RGS7BP: variants seen among roughly 807,000 people sequenced by gnomAD.
RGS7BP encodes regulator of G protein signaling 7 binding protein, also known as regulator of G protein signaling 7-binding protein.
Under a neutral mutation model 31.3 loss-of-function variants are expected in RGS7BP, and 9 were observed. The observed-to-expected ratio is 0.29, with a 90% CI of 0.17 to 0.50. The LOEUF is 0.50. Among genes scored for constraint, RGS7BP ranks in the 20% least tolerant of loss-of-function variants. The probability of loss-of-function intolerance (pLI) is 0.98; values close to 1 mark genes in which losing one functional copy is unlikely to be tolerated. For missense variants in RGS7BP, 274 were observed against 322.0 expected (o/e 0.85, Z 1.14); for synonymous variants, 115 against 120.1 (o/e 0.96, Z 0.28).
chr5:64,575,628 T>C, intron 2 of RGS7BP, 146 bp from the exon 3 acceptor site: 1 of 1,344,124 alleles, frequency 7.4e-7, no homozygotes, highest in Non-Finnish European at 9.6e-7. Context: ...CATTGGTCAT[T>C]GGTTTGAAAG....
chr5:64,527,888 T>C (rs1474632451), intron 2 of RGS7BP, among the ~76,000 whole-genome samples: 1 of 152,228 alleles, frequency 6.6e-6, no homozygotes, highest in Non-Finnish European at 1.5e-5. Context: ...TTTGTTCTTT[T>C]TACATGTCTG....
intron 2 of RGS7BP, among the ~76,000 whole-genome samples, chr5:64,519,405 C>A (rs1749054167): frequency 6.6e-6 from 1 of 152,174 alleles, no homozygotes; most frequent in Non-Finnish European, 1.5e-5. Flanking sequence ...AGACATTAAA[C>A]AAATCATTGC....
chr5:64,555,520 T>C (rs1231946730), intron 2 of RGS7BP, among the ~76,000 whole-genome samples: 2 of 152,144 alleles, frequency 1.3e-5, no homozygotes, highest in African/African-American at 4.8e-5. Flanking sequence ...TGGGGGAAAC[T>C]GCACTGAAAT....
At chr5:64,525,077 G>A (rs888466425) in intron 2 of RGS7BP, among the ~76,000 whole-genome samples, 8 of 152,010 alleles carry the variant, frequency 5.3e-5, no homozygotes, top group Non-Finnish European at 1.0e-4. Context: ...CTAGGGTCCA[G>A]GTGGTAAACA....
intron 2 of RGS7BP, among the ~76,000 whole-genome samples, chr5:64,527,133 A>G (rs192839034): frequency 1.4e-4 from 21 of 152,338 alleles, no homozygotes; most frequent in Non-Finnish European, 2.5e-4. Flanking sequence ...GGATGTTTTG[A>G]GAGACTGTAT....
rs1743494340 is a variant in RGS7BP, at chr5:64,611,239, T to C, written c.*1987T>C. On this transcript the variant is annotated 3_prime_UTR_variant, in exon 6 of 6. Coordinates refer to ENST00000334025, the MANE Select transcript of RGS7BP (RefSeq NM_001029875.3). Reference sequence around the variant, plus strand: ...TTTAAGATCCATTGTTTTTGAAATTTTGAAGTAGCCCAGTTTGGCAGCTCT... The same window carrying C: ...TTTAAGATCCATTGTTTTTGAAATTCTGAAGTAGCCCAGTTTGGCAGCTCT... 6.6e-6 allele frequency: 1 copy of C among 152,006 alleles called. No individual in the cohort carries two copies. Among genetic ancestry groups the C allele is most frequent in the Non-Finnish European group, 1.5e-5 (1 of 67,882 alleles). 9.4% of individuals were successfully genotyped at this position (152,006 alleles called of 1,614,324 possible). A position where few individuals can be genotyped will look rare whatever the true frequency, so the allele number is the denominator to read the frequency against.
chr5:64,540,233 A>C (rs1741493405), intron 2 of RGS7BP, among the ~76,000 whole-genome samples: 1 of 152,184 alleles, frequency 6.6e-6, no homozygotes, highest in Admixed American at 6.5e-5. Context: ...GCAAAGAATA[A>C]AATTAAAATT....
chr5:64,536,183 G>A (rs764419304), intron 2 of RGS7BP, among the ~76,000 whole-genome samples: 1 of 152,256 alleles, frequency 6.6e-6, no homozygotes, highest in African/African-American at 2.4e-5. Flanking sequence ...TGATATTGGG[G>A]CAGGGCTGAG....
chr5:64,537,492 C>A (rs1229737729), intron 2 of RGS7BP, among the ~76,000 whole-genome samples: 1 of 152,106 alleles, frequency 6.6e-6, no homozygotes, highest in African/African-American at 2.4e-5. Flanking sequence ...CACCCAATTA[C>A]CTGTCTTGGT....
At chr5:64,602,049 T>A (rs1743231810) in intron 5 of RGS7BP, among the ~76,000 whole-genome samples, 1 of 152,156 alleles carries the variant, frequency 6.6e-6, no homozygotes. Flanking sequence ...ATGAGTCCCC[T>A]CCTGTGAACA....
intron 2 of RGS7BP, among the ~76,000 whole-genome samples, chr5:64,525,134 C>G (rs1364900098): frequency 1.3e-5 from 2 of 152,028 alleles, no homozygotes; most frequent in Non-Finnish European, 2.9e-5. Context: ...AGGTCTGTTT[C>G]CCAGCCATTT....
At chr5:64,593,103 G>A (rs1049486239) in intron 3 of RGS7BP, among the ~76,000 whole-genome samples, 1 of 152,134 alleles carries the variant, frequency 6.6e-6, no homozygotes, top group Non-Finnish European at 1.5e-5. Context: ...CCATCACCCA[G>A]GATCAATGCA....
intron 3 of RGS7BP, among the ~76,000 whole-genome samples, chr5:64,587,693 A>C (rs897895978): frequency 9.2e-5 from 14 of 152,176 alleles, no homozygotes; most frequent in African/African-American, 3.1e-4. Context: ...GAAAGTGAGC[A>C]CATGACTACA....
chr5:64,524,992 A>G (rs1201748047), intron 2 of RGS7BP, among the ~76,000 whole-genome samples: 2 of 152,034 alleles, frequency 1.3e-5, no homozygotes, highest in Non-Finnish European at 2.9e-5. Flanking sequence ...GGGCTTGAGA[A>G]AGTGCCACTC....
intron 3 of RGS7BP, among the ~76,000 whole-genome samples, chr5:64,579,543 C>CAAA (rs34003776): frequency 2.6e-4 from 14 of 53,304 alleles, no homozygotes; most frequent in East Asian, 1.3e-3. Flanking sequence ...GACTCCATCT[C>CAAA]AAAAAAAAAA....
chr5:64,530,975 A>G (rs1749356943), intron 2 of RGS7BP, among the ~76,000 whole-genome samples: 1 of 152,198 alleles, frequency 6.6e-6, no homozygotes. Context: ...AGCCAACACC[A>G]CTGATGGATG....
chr5:64,524,856 TG>T (rs2111907988), intron 2 of RGS7BP, among the ~76,000 whole-genome samples: 1 of 152,090 alleles, frequency 6.6e-6, no homozygotes, highest in Non-Finnish European at 1.5e-5. Flanking sequence ...GCCATCATTC[TG>T]AAAAATCCAG....
intron 3 of RGS7BP, among the ~76,000 whole-genome samples, chr5:64,578,568 T>C (rs1437642561): frequency 6.6e-6 from 1 of 152,152 alleles, no homozygotes; most frequent in Non-Finnish European, 1.5e-5. Flanking sequence ...CAAAAAAATG[T>C]AAATCACACC....
chr5:64,564,457 G>C (rs1742123542), intron 2 of RGS7BP, among the ~76,000 whole-genome samples: 1 of 152,070 alleles, frequency 6.6e-6, no homozygotes, highest in Admixed American at 6.6e-5. Flanking sequence ...TTGGGCTCTT[G>C]TTTGTTGAAG....
Sources: gnomAD v4.1 joint callset for allele counts (sites outside exome capture counted in the v4.1 genomes callset) on GRCh38, gnomAD v4.1.1 for gene constraint, MANE v1.5 for transcripts, NCBI Gene and HGNC (gene_info 2026-07-23, HGNC 2026-07-21) for gene names.